The following ETV6 variants were observed in gnomAD, a reference collection of about 807,000 sequenced individuals.
ETV6 encodes transcription factor ETV6.
In ETV6, 16 loss-of-function variants were observed where a neutral mutation model predicts 51.1. That is an observed-to-expected ratio of 0.31 (90% CI 0.21 to 0.48). The LOEUF (loss-of-function observed/expected upper bound fraction) is 0.48. ETV6 is among the 20% of genes least tolerant of loss of function. The pLI is 0.99. For missense variants in ETV6, 458 were observed against 594.8 expected, an observed-to-expected ratio of 0.77 and a Z score of 2.39; for synonymous variants, 240 against 224.1, an observed-to-expected ratio of 1.07 and a Z score of -0.64.
chr12:11,706,203 T>C (rs1373412027), intron 1 of ETV6, among the ~76,000 whole-genome samples: 2 of 152,246 alleles, frequency 1.3e-5, no homozygotes, highest in African/African-American at 2.4e-5. Context: ...CGCCTTTCAT[T>C]TGCAGTGCAG....
Position 11,736,676 on chromosome 12 carries a change from A to G in ETV6, c.34-15774A>G, listed in dbSNP as rs74657684. Among the ~76,000 whole-genome samples, 1,280 of 152,298 alleles carry G rather than the reference A, an allele frequency of 8.4e-3. 11 individuals are homozygous for G. Among genetic ancestry groups the G allele is most frequent in the African/African-American group, 0.03 (1,229 of 41,536 alleles). Reference sequence around the variant, plus strand: ...TTCCAGGAACTTGGAACATACTGGAATAAGGCTTAAACACAAGTCACAGAA... The same window carrying G: ...TTCCAGGAACTTGGAACATACTGGAGTAAGGCTTAAACACAAGTCACAGAA... On this transcript the variant is annotated intron_variant, in intron 1 of 7. Coordinates refer to ENST00000396373, the MANE Select transcript of ETV6 (RefSeq NM_001987.5).
chr12:11,690,886 C>CTAAACAAATAAATAAA (rs1864743815), intron 1 of ETV6, among the ~76,000 whole-genome samples: 1 of 140,536 alleles, frequency 7.1e-6, no homozygotes, highest in African/African-American at 2.6e-5. Context: ...GACTCTGTCT[C>CTAAACAAATAAATAAA]TAAATAAATA....
chr12:11,776,735 A>G (rs1419239471), intron 2 of ETV6, among the ~76,000 whole-genome samples: 1 of 152,202 alleles, frequency 6.6e-6, no homozygotes, highest in Non-Finnish European at 1.5e-5. Flanking sequence ...CTTTTATGGA[A>G]GCACTTCAGC....
intron 1 of ETV6, among the ~76,000 whole-genome samples, chr12:11,732,716 A>C (rs3020926): frequency 0.9 from 137,590 of 152,154 alleles, 63,412 homozygotes; most frequent in Non-Finnish European, 0.99. Context: ...CTAGAGGACC[A>C]AGAACAACCC....
intron 2 of ETV6, among the ~76,000 whole-genome samples, chr12:11,829,878 C>G (rs915823065): frequency 6.6e-6 from 1 of 152,100 alleles, no homozygotes; most frequent in Non-Finnish European, 1.5e-5. Context: ...CTTCCAATTC[C>G]CTAGTGACAG....
chr12:11,743,189 G>A (rs1216267560), intron 1 of ETV6, among the ~76,000 whole-genome samples: 1 of 152,206 alleles, frequency 6.6e-6, no homozygotes, highest in Non-Finnish European at 1.5e-5. Context: ...ACACTGAGGA[G>A]ACATTGACTC....
chr12:11,723,445 CT>C (rs1865430593), intron 1 of ETV6, among the ~76,000 whole-genome samples: 1 of 151,078 alleles, frequency 6.6e-6, no homozygotes, highest in African/African-American at 2.4e-5. Flanking sequence ...CCCTTCCATT[CT>C]TTCTTGCTCT....
intron 1 of ETV6, among the ~76,000 whole-genome samples, chr12:11,721,689 A>G (rs1369970895): frequency 6.6e-6 from 1 of 152,212 alleles, no homozygotes; most frequent in Non-Finnish European, 1.5e-5. Flanking sequence ...CCCTATGTCT[A>G]AAGTAAAAGT....
chr12:11,784,282 A>T (rs986952316), intron 2 of ETV6, among the ~76,000 whole-genome samples: 1 of 152,048 alleles, frequency 6.6e-6, no homozygotes, highest in Non-Finnish European at 1.5e-5. Flanking sequence ...ATACAAAATT[A>T]GCTGGGCGTG....
intron 1 of ETV6, among the ~76,000 whole-genome samples, chr12:11,653,821 A>G (rs1863951496): frequency 6.6e-6 from 1 of 151,476 alleles, no homozygotes; most frequent in South Asian, 2.1e-4. Flanking sequence ...ATGTTTTATA[A>G]TTTTTTTTTG....
At position 11,891,231 on chromosome 12, in the gene ETV6, C is replaced by T. The variant is rs1947282516; in HGVS notation, c.*185C>T. On this transcript the variant is annotated 3_prime_UTR_variant, in exon 8 of 8. Coordinates refer to ENST00000396373, the MANE Select transcript of ETV6 (RefSeq NM_001987.5). The stretch of plus-strand genomic sequence containing the variant: ...AGCACCTTAGACAAACTACCCAGCA[C>T]AGGCGGGGCTGGAATTCTGGCGGAG... The T allele has an allele frequency of 1.5e-5, 8 of 540,712 alleles. No homozygotes were observed. Among genetic ancestry groups the T allele is most frequent in the Admixed American group, 6.5e-5 (2 of 30,600 alleles). 33.5% of individuals were successfully genotyped at this position (540,712 alleles called of 1,614,324 possible). A position where few individuals can be genotyped will look rare whatever the true frequency, so the allele number is the denominator to read the frequency against.
chr12:11,668,392 A>G (rs1591596560), intron 1 of ETV6, among the ~76,000 whole-genome samples: 1 of 146,568 alleles, frequency 6.8e-6, no homozygotes, highest in Non-Finnish European at 1.5e-5. Context: ...AGGACTTCGC[A>G]CTGTTTTGTT....
chr12:11,833,076 A>G (rs1221812846), intron 2 of ETV6, among the ~76,000 whole-genome samples: 1 of 152,270 alleles, frequency 6.6e-6, no homozygotes, highest in African/African-American at 2.4e-5. Flanking sequence ...TGTAATATCA[A>G]TTAATATACA....
intron 1 of ETV6, among the ~76,000 whole-genome samples, chr12:11,721,386 A>T (rs1471635374): frequency 2.0e-5 from 3 of 152,358 alleles, no homozygotes; most frequent in East Asian, 3.8e-4. Context: ...TTGCAGCCAT[A>T]AAAAGGAATG....
At position 11,649,952 on chromosome 12, in the gene ETV6, C is replaced by T. The variant is rs1863857071; in HGVS notation, c.-176C>T. ...CGCCGCCCCGCGCGCCCAACTCCGC[C>T]GGCCGCCCCGCCCCGCCCCGCGCGC... On this transcript the variant is annotated 5_prime_UTR_variant, in exon 1 of 8. Transcript: ENST00000396373. The T allele has an allele frequency of 2.6e-6, 1 of 390,114 alleles. No individual in the cohort carries two copies. The allele number at this position is 390,114 out of a possible 1,614,324, so 24.2% of individuals were successfully genotyped here.
intron 3 of ETV6, among the ~76,000 whole-genome samples, chr12:11,844,908 T>C (rs959999547): frequency 2.5e-4 from 38 of 152,126 alleles, no homozygotes; most frequent in Non-Finnish European, 4.0e-4. Context: ...CTCGGCTCAC[T>C]GCAACCTCCG....
chr12:11,712,049 C>T (rs994625670), intron 1 of ETV6, among the ~76,000 whole-genome samples: 1 of 152,102 alleles, frequency 6.6e-6, no homozygotes, highest in Admixed American at 6.6e-5. Flanking sequence ...TATTTTCTAG[C>T]CTAACAAGGA....
intron 1 of ETV6, among the ~76,000 whole-genome samples, chr12:11,660,047 A>T (rs934214562): frequency 6.6e-6 from 1 of 152,250 alleles, no homozygotes; most frequent in South Asian, 2.1e-4. Flanking sequence ...TTTCAAAATA[A>T]CTAGAAGAAT....
chr12:11,840,323 T>C, intron 3 of ETV6: 1 of 425,438 alleles, frequency 2.4e-6, no homozygotes, highest in Non-Finnish European at 4.7e-6. Flanking sequence ...TTTCATTTCC[T>C]AAACCCTGTG....
Sources: gnomAD v4.1 joint callset for allele counts (sites outside exome capture counted in the v4.1 genomes callset) on GRCh38, gnomAD v4.1.1 for gene constraint, MANE v1.5 for transcripts, NCBI Gene and HGNC (gene_info 2026-07-23, HGNC 2026-07-21) for gene names.